Variants in INPP5F observed in about 807,000 individuals in gnomAD.
INPP5F encodes the protein inositol polyphosphate-5-phosphatase F, also known as phosphatidylinositide 4-phosphatase SAC2.
In INPP5F, 97 loss-of-function variants were observed where a neutral mutation model predicts 137.2. The ratio of observed to expected loss-of-function variants is 0.71; its 90% CI spans 0.60 to 0.84. INPP5F has a LOEUF of 0.84. INPP5F is among the 40% of genes least tolerant of loss of function. The pLI is 0.00. For synonymous variants in INPP5F, 504 were observed against 476.9 expected (o/e 1.06, Z -0.74); for missense variants, 1,271 against 1,371.9 (o/e 0.93, Z 1.16).
At chr10:119,774,926 T>A (rs1359582862) in intron 2 of INPP5F, among the ~76,000 whole-genome samples, 2 of 152,068 alleles carry the variant, frequency 1.3e-5, no homozygotes, top group Non-Finnish European at 2.9e-5. Context: ...AAATGAAAAA[T>A]ATACAGCATA....
At chr10:119,783,411 C>T (rs578236355) in intron 3 of INPP5F, among the ~76,000 whole-genome samples, 18 of 152,312 alleles carry the variant, frequency 1.2e-4, no homozygotes, top group Non-Finnish European at 1.6e-4. Flanking sequence ...AACCAGCCCG[C>T]CCAGCACTTT....
At chr10:119,761,341 G>C (rs1216218443) in intron 2 of INPP5F, among the ~76,000 whole-genome samples, 2 of 152,206 alleles carry the variant, frequency 1.3e-5, no homozygotes, top group Non-Finnish European at 2.9e-5. Flanking sequence ...ACATGGAATA[G>C]CTGCTATGTT....
Position 119,812,440 on chromosome 10 carries a change from G to A in INPP5F, c.1886+485G>A, listed in dbSNP as rs567681943. Among the ~76,000 whole-genome samples, 8 of 150,198 alleles carry A rather than the reference G, an allele frequency of 5.3e-5. No homozygotes were observed. The South Asian group carries it at 1.5e-3, about 28-fold the overall frequency. The stretch of plus-strand genomic sequence containing the variant: ...GTTCTTCAAAATATCAATGAATAGT[G>A]GGATCTAAATTTATCCACTAGATTG... On this transcript the variant is annotated intron_variant, in intron 15 of 19. Transcript: ENST00000650623.
chr10:119,727,907 A>C (rs1847938334), intron 1 of INPP5F, among the ~76,000 whole-genome samples: 1 of 152,220 alleles, frequency 6.6e-6, no homozygotes, highest in Non-Finnish European at 1.5e-5. Flanking sequence ...CAAAATTCCT[A>C]GGTTGTCAAA....
In INPP5F at chr10:119,827,184, T is replaced by C; in HGVS notation, c.2803T>C (p.Ser935Pro). The C allele has an allele frequency of 6.2e-7, 1 of 1,613,982 alleles. No individual in the cohort carries two copies. Among genetic ancestry groups the C allele is most frequent in the Non-Finnish European group, 8.5e-7 (1 of 1,179,998 alleles). The stretch of plus-strand genomic sequence containing the variant: ...GAGTGGGCTTGGAAAAGGCCAGGAG[T>C]CTCCTTTGAAGAAAAGTCCTTCTGC... ...HGSGLGKGQESPLKKSPSAGD... is the reference protein window; with the variant it reads ...HGSGLGKGQEPPLKKSPSAGD... Residue 935 changes from serine (S) to proline (P), a missense_variant, in exon 20 of 20, where the codon TCT becomes CCT. Physicochemically the swap from Ser to Pro is moderately conservative, Grantham distance 74. Around this residue, in one of 6 missense-constraint regions of INPP5F, gnomAD observed 490 missense variants for 443.7 expected, o/e 1.10. Coordinates refer to ENST00000650623, the MANE Select transcript of INPP5F (RefSeq NM_014937.4).
chr10:119,756,865 CAAAAA>C (rs11415974), intron 2 of INPP5F, among the ~76,000 whole-genome samples: 3 of 97,346 alleles, frequency 3.1e-5, no homozygotes, highest in African/African-American at 4.1e-5. Context: ...AGCTCTGCCA[CAAAAA>C]AAAAAAAAAA....
Position 119,791,568 on chromosome 10 carries a change from T to C in INPP5F, c.367T>C (p.Ser123Pro), listed in dbSNP as rs1850145866. 1 of 1,601,154 alleles carries C rather than the reference T, an allele frequency of 6.2e-7. No homozygotes were observed. Among genetic ancestry groups the C allele is most frequent in the Admixed American group, 1.7e-5 (1 of 59,990 alleles). The change falls in exon 4 of 20, where the codon TCT becomes CCT. Residue 123 changes from serine to proline, a missense_variant. Around this residue, in one of 6 missense-constraint regions of INPP5F, gnomAD observed 62 missense variants for 55.0 expected, o/e 1.13. Transcript: ENST00000650623. Reference protein sequence around the residue: ...GINKPEKIIPSPDDSKFLLKT... With the variant: ...GINKPEKIIPPPDDSKFLLKT... ...TAACAAACCAGAGAAGATCATACCA[T>C]CTCCTGATGACTCAAAGTTTCTACT...
intron 1 of INPP5F, among the ~76,000 whole-genome samples, chr10:119,741,430 C>G (rs1158860520): frequency 6.6e-6 from 1 of 152,174 alleles, no homozygotes; most frequent in Non-Finnish European, 1.5e-5. Flanking sequence ...CAGTACCAAA[C>G]TATTTGGAGT....
intron 6 of INPP5F, among the ~76,000 whole-genome samples, chr10:119,792,913 C>T (rs1490958964): frequency 6.6e-6 from 1 of 151,938 alleles, no homozygotes; most frequent in African/African-American, 2.4e-5. Flanking sequence ...AATTTCACAC[C>T]TTTTCCTTTT....
intron 15 of INPP5F, among the ~76,000 whole-genome samples, chr10:119,820,504 G>A (rs12770196): frequency 0.017 from 2,562 of 152,194 alleles, 31 homozygotes; most frequent in Non-Finnish European, 0.027. Flanking sequence ...TCACTCTCAC[G>A]TATTTCTTTC....
intron 1 of INPP5F, among the ~76,000 whole-genome samples, chr10:119,731,626 T>G (rs1240583718): frequency 1.3e-5 from 2 of 152,210 alleles, no homozygotes; most frequent in Admixed American, 1.3e-4. Flanking sequence ...ATGGTGCCAC[T>G]GTACTCCAGC....
intron 1 of INPP5F, among the ~76,000 whole-genome samples, chr10:119,740,831 G>C (rs1281450702): frequency 6.6e-6 from 1 of 152,178 alleles, no homozygotes; most frequent in Non-Finnish European, 1.5e-5. Context: ...GCGAGCCACT[G>C]TGCCCGGCCC....
intron 2 of INPP5F, among the ~76,000 whole-genome samples, chr10:119,774,543 A>C (rs1032424570): frequency 8.7e-5 from 13 of 150,266 alleles, no homozygotes; most frequent in African/African-American, 3.2e-4. Context: ...TATTTTGCCC[A>C]GGCTGATCTT....
intron 19 of INPP5F, chr10:119,825,840 T>G: frequency 5.0e-6 from 2 of 396,806 alleles, no homozygotes; most frequent in Non-Finnish European, 8.9e-6. Flanking sequence ...CTTTAACCCA[T>G]AATTTTTCTG....
In INPP5F at chr10:119,825,860, C is replaced by T. The variant is rs187440488; in HGVS notation, c.2250-771C>T. 7.5e-6 allele frequency: 3 copies of T among 397,686 alleles called. No homozygotes were observed. The East Asian group carries it at 1.1e-4, about 14-fold the overall frequency. 24.6% of individuals were successfully genotyped at this position (397,686 alleles called of 1,614,324 possible). A position where few individuals can be genotyped will look rare whatever the true frequency, so the allele number is the denominator to read the frequency against. On this transcript the variant is annotated intron_variant, in intron 19 of 19. Coordinates refer to ENST00000650623, the MANE Select transcript of INPP5F (RefSeq NM_014937.4). ...ACCCATAATTTTTCTGCAGTATGCT[C>T]ATGATCAGTGATCTTGCATGATCCA...
intron 2 of INPP5F, among the ~76,000 whole-genome samples, chr10:119,770,659 A>G (rs1371943776): frequency 6.6e-6 from 1 of 151,750 alleles, no homozygotes; most frequent in Non-Finnish European, 1.5e-5. Flanking sequence ...TGTTTGTTTT[A>G]TTTTCTAGAG....
At chr10:119,817,992 TC>T (rs1851349474) in intron 15 of INPP5F, among the ~76,000 whole-genome samples, 1 of 152,204 alleles carries the variant, frequency 6.6e-6, no homozygotes, top group African/African-American at 2.4e-5. Flanking sequence ...AAATGCGCAG[TC>T]CCAGCAGGGA....
intron 15 of INPP5F, chr10:119,819,882 G>A (rs937029514): frequency 5.4e-6 from 1 of 183,688 alleles, no homozygotes. Context: ...TCATTCTTAC[G>A]CAGATTTAAT....
At chr10:119,734,784 G>A (rs1005719753) in intron 1 of INPP5F, among the ~76,000 whole-genome samples, 7 of 152,132 alleles carry the variant, frequency 4.6e-5, no homozygotes, top group East Asian at 1.9e-4. Flanking sequence ...TTCTTTTCCT[G>A]TTCAAATATA....
Sources: gnomAD v4.1 joint callset for allele counts (sites outside exome capture counted in the v4.1 genomes callset) on GRCh38, gnomAD v4.1.1 for gene constraint, gnomAD v4.1.1 regional missense constraint, MANE v1.5 for transcripts, NCBI Gene and HGNC (gene_info 2026-07-23, HGNC 2026-07-21) for gene names.